Variants in GLYR1 observed in about 807,000 individuals in gnomAD.
The protein encoded by GLYR1 is cytokine-like nuclear factor N-PAC.
In GLYR1, 21 loss-of-function variants were observed where a neutral mutation model predicts 72.7. The ratio of observed to expected loss-of-function variants is 0.29; its 90% CI spans 0.20 to 0.42. The LOEUF (loss-of-function observed/expected upper bound fraction) is 0.42. GLYR1 is among the 10% of genes least tolerant of loss of function. The pLI, the probability that GLYR1 is intolerant of heterozygous loss-of-function variation, is 1.00. For synonymous variants in GLYR1, 392 were observed against 270.2 expected (o/e 1.45, Z -4.42); for missense variants, 594 against 712.1 (o/e 0.83, Z 1.89).
intron 3 of GLYR1, among the ~76,000 whole-genome samples, chr16:4,834,928 G>A (rs1474509157): frequency 6.6e-6 from 1 of 152,062 alleles, no homozygotes; most frequent in Non-Finnish European, 1.5e-5. Flanking sequence ...CTAATGACAG[G>A]CCAGAGCAAT....
intron 3 of GLYR1, 147 bp downstream of exon 3, chr16:4,844,923 CTTTA>C: frequency 1.6e-6 from 1 of 613,814 alleles, no homozygotes. Context: ...GAAATTGCAC[CTTTA>C]TTTAGGTATG....
intron 10 of GLYR1, 141 bp from the exon 11 acceptor site, chr16:4,814,788 G>A: frequency 1.5e-6 from 1 of 653,862 alleles, no homozygotes; most frequent in Non-Finnish European, 2.7e-6. Context: ...CATGGAGATA[G>A]GAGCCCAACT....
Position 4,807,517 on chromosome 16 carries a change from T to C in GLYR1, c.1588-2207A>G, listed in dbSNP as rs562311215. ...AATGGCAGCCCCAAATTGAACCACATATCAATACAACTACTAAAGGTCAAT... is the reference window on the plus strand; with the variant it reads ...AATGGCAGCCCCAAATTGAACCACACATCAATACAACTACTAAAGGTCAAT... On this transcript the variant is annotated intron_variant, in intron 15 of 15. Coordinates refer to ENST00000321919, the MANE Select transcript of GLYR1 (RefSeq NM_032569.4). 1.4e-4 allele frequency among the ~76,000 whole-genome samples: 21 copies of C among 152,278 alleles called. No homozygotes were observed. In the South Asian group the frequency reaches 3.5e-3, roughly 26 times the overall value.
intron 10 of GLYR1, among the ~76,000 whole-genome samples, chr16:4,815,263 T>G (rs1317847196): frequency 6.6e-6 from 1 of 151,934 alleles, no homozygotes; most frequent in Non-Finnish European, 1.5e-5. Context: ...ATGCCCCATG[T>G]GTGATTTTTT....
In GLYR1 at chr16:4,821,606, G is replaced by A. The variant is rs752510185; in HGVS notation, c.682-9C>T. The A allele has an allele frequency of 4.3e-6, 7 of 1,613,516 alleles. No individual in the cohort carries two copies. The highest frequency in any genetic ancestry group is 1.3e-5 in the African/African-American group (1 of 74,912). ...TGGTAACAGACAGCTGGCTAATGAA[G>A]GAGGAGGAAAGAGACTACTTGTGCT... On this transcript the variant is annotated splice_polypyrimidine_tract_variant and intron_variant, in intron 7 of 15. Transcript: ENST00000321919.
chr16:4,840,554 C>T (rs1480248079), intron 3 of GLYR1, among the ~76,000 whole-genome samples: 1 of 152,202 alleles, frequency 6.6e-6, no homozygotes, highest in Admixed American at 6.5e-5. Flanking sequence ...CACACTCTCT[C>T]TCTCTCCCAT....
At chr16:4,811,524 G>A in intron 14 of GLYR1, 99 bp downstream of exon 14, 10 of 1,449,360 alleles carry the variant, frequency 6.9e-6, no homozygotes, top group Non-Finnish European at 9.5e-6. Context: ...GTCAGGGACT[G>A]ACTGGGGAGG....
At position 4,846,183 on chromosome 16, in the gene GLYR1, C is replaced by T; in HGVS notation, c.66G>A (p.Trp22Ter). Residue 22 changes from tryptophan (W) to a stop codon, truncating the protein, a stop_gained, in exon 2 of 16, where the codon TGG becomes TGA. Coordinates refer to ENST00000321919, the MANE Select transcript of GLYR1 (RefSeq NM_032569.4). LOFTEE classifies it high-confidence loss of function. ...VWGKLGRYPP[W>*]PGKIVNPPKD... ...GTAGCAAGACACTCACCTTTCCTGG[C>T]CAAGGAGGATATCGGCCGAGTTTCC... 1 of 1,613,968 alleles carries T rather than the reference C, an allele frequency of 6.2e-7. No homozygotes were observed. Among genetic ancestry groups the T allele is most frequent in the Non-Finnish European group, 8.5e-7 (1 of 1,179,896 alleles).
chr16:4,821,362 T>C lies in GLYR1; in HGVS notation c.806+18A>G, dbSNP rs1328135502. 2 of 1,612,290 alleles carry C rather than the reference T, an allele frequency of 1.2e-6. No individual in the cohort carries two copies. The highest frequency in any genetic ancestry group is 1.7e-5 in the Admixed American group (1 of 60,026). On this transcript the variant is annotated intron_variant, in intron 9 of 15. Coordinates refer to ENST00000321919, the MANE Select transcript of GLYR1 (RefSeq NM_032569.4). ...GCAGAACCAGAGCCACTGGAGGCCT[T>C]TTCATCAAAGGTCCTACTTTTTGTC... is the stretch of plus-strand genomic sequence containing the variant.
rs1300368106 is a variant in GLYR1, at chr16:4,836,823, A to T, written c.156-3911T>A. ...ACACATATTATATTGGAAAAAAAAA[A>T]AAAAAACAAAACAAATCAATACTAA... On this transcript the variant is annotated intron_variant, in intron 3 of 15. Coordinates refer to ENST00000321919, the MANE Select transcript of GLYR1 (RefSeq NM_032569.4). 1.3e-5 allele frequency among the ~76,000 whole-genome samples: 2 copies of T among 151,866 alleles called. 1 individual carries two copies. Among genetic ancestry groups the T allele is most frequent in the South Asian group, 4.2e-4 (2 of 4,808 alleles).
At chr16:4,812,513 G>A (rs1314727493) in intron 12 of GLYR1, among the ~76,000 whole-genome samples, 1 of 134,468 alleles carries the variant, frequency 7.4e-6, no homozygotes, top group South Asian at 2.4e-4. Flanking sequence ...TTTTTTTTTT[G>A]AGGTGGAGTC....
chr16:4,817,733 A>C (rs1288016076), intron 9 of GLYR1, 36 bp from the exon 10 acceptor site: 3 of 1,278,594 alleles, frequency 2.3e-6, no homozygotes, highest in African/African-American at 2.9e-5. Context: ...TCAGGGTGGA[A>C]AGGGAGGGTC....
In GLYR1 at chr16:4,846,449, G is replaced by A. The variant is rs74324349; in HGVS notation, c.39-239C>T. ...ATACAGAACAACACAACTGTCAAAA[G>A]TCACTTGTCTAGAGCTTCTTAATGA... On this transcript the variant is annotated intron_variant, in intron 1 of 15. Transcript: ENST00000321919. Among the ~76,000 whole-genome samples the A allele has an allele frequency of 4.0e-3, 605 of 152,370 alleles. 5 individuals are homozygous for A. The highest frequency in any genetic ancestry group is 0.014 in the Middle Eastern group (4 of 294).
intron 12 of GLYR1, 61 bp downstream of exon 12, chr16:4,813,676 G>T: frequency 7.1e-7 from 1 of 1,414,272 alleles, no homozygotes; most frequent in Non-Finnish European, 9.8e-7. Flanking sequence ...ACTCTTGTAA[G>T]CCTGGGTCTT....
At chr16:4,843,206 AC>A (rs35385329) in intron 3 of GLYR1, among the ~76,000 whole-genome samples, 1 of 151,854 alleles carries the variant, frequency 6.6e-6, no homozygotes, top group African/African-American at 2.4e-5. Flanking sequence ...TCAGTCTGTC[AC>A]CCATGCTGGA....
chr16:4,809,182 G>A (rs1002954245), intron 15 of GLYR1, among the ~76,000 whole-genome samples: 3 of 139,628 alleles, frequency 2.1e-5, no homozygotes, highest in African/African-American at 8.4e-5. Context: ...GGCTGTAGCA[G>A]CTTTCGTTTT....
intron 3 of GLYR1, among the ~76,000 whole-genome samples, chr16:4,835,337 G>T (rs139536927): frequency 6.6e-6 from 1 of 152,174 alleles, no homozygotes; most frequent in Non-Finnish European, 1.5e-5. Flanking sequence ...TCTGCTAGAA[G>T]GAACTGTACA....
At chr16:4,825,978 G>C (rs8052305) in intron 5 of GLYR1, among the ~76,000 whole-genome samples, 2,978 of 152,234 alleles carry the variant, frequency 0.02, 89 homozygotes, top group African/African-American at 0.067. Flanking sequence ...TTACAGAATA[G>C]AAAACTAAGG....
rs1282517283 is a variant in GLYR1 at position 4,821,671 on chromosome 16, G to T, written c.682-74C>A. On this transcript the variant is annotated intron_variant, in intron 7 of 15. Coordinates refer to ENST00000321919, the MANE Select transcript of GLYR1 (RefSeq NM_032569.4). ...CAGTCTTCATAATAATCCCCTCAAA[G>T]GTTAGACCCAAAGTGGGAAGTTAAC... 4 of 1,382,168 alleles carry T rather than the reference G, an allele frequency of 2.9e-6. No homozygotes were observed. The African/African-American group carries it at 4.3e-5, about 15-fold the overall frequency. 85.6% of individuals were successfully genotyped at this position (1,382,168 alleles called of 1,614,324 possible).
Sources: allele counts gnomAD v4.1 joint callset (sites outside exome capture counted in the v4.1 genomes callset), GRCh38; gene constraint gnomAD v4.1.1; transcripts MANE v1.5; gene names NCBI Gene and HGNC (gene_info 2026-07-23, HGNC 2026-07-21).